Variants in GPR135 observed in about 807,000 individuals in gnomAD.
GPR135 encodes G-protein coupled receptor 135.
A neutral mutation model predicts 15.0 loss-of-function variants in GPR135; 17 were observed. The observed-to-expected ratio is 1.13, with a 90% CI of 0.78 to 1.70. GPR135 has a LOEUF of 1.70. GPR135 is among the 40% of genes most tolerant of loss of function. The probability of loss-of-function intolerance (pLI) is 0.00; values close to 1 mark genes in which losing one functional copy is unlikely to be tolerated. For synonymous variants in GPR135, 368 were observed against 349.4 expected (o/e 1.05, Z -0.59); for missense variants, 776 against 727.0 (o/e 1.07, Z -0.78).
downstream of GPR135, among the ~76,000 whole-genome samples, chr14:59,457,059 G>T (rs751661297): frequency 4.6e-5 from 7 of 152,152 alleles, no homozygotes; most frequent in Non-Finnish European, 8.8e-5. Context: ...TGTATTTGTT[G>T]AAAGATAGTT....
In GPR135 at chr14:59,464,176, CCAGGAAGCAGTAGGGCCCCCAGCAG is replaced by C. The variant is rs756813042; in HGVS notation, c.1026_1050del (p.Cys342TrpfsTer26). On this transcript the variant is annotated frameshift_variant, in exon 1 of 1. Coordinates refer to ENST00000395116, the MANE Select transcript of GPR135 (RefSeq NM_022571.6). LOFTEE classifies it high-confidence loss of function. ...GCCTGCCGGGCGGCGGCCAGCAGCA[CCAGGAAGCAGTAGGGCCCCCAGCAG>C]CAGATGACGAAGACGATCATGATGA... 8.1e-6 allele frequency: 13 copies of C among 1,609,230 alleles called. No individual in the cohort carries two copies. The highest frequency in any genetic ancestry group is 1.1e-5 in the Non-Finnish European group (13 of 1,179,760).
Position 59,464,185 on chromosome 14 carries a change from A to T in GPR135, c.1042T>A (p.Cys348Ser), listed in dbSNP as rs758182115. The part of the protein sequence containing the change: ...VFVICCWGPY[C>S]FLVLLAAARQ... Reference sequence around the variant, plus strand: ...GCGGCGGCCAGCAGCACCAGGAAGCAGTAGGGCCCCCAGCAGCAGATGACG... The same window carrying T: ...GCGGCGGCCAGCAGCACCAGGAAGCTGTAGGGCCCCCAGCAGCAGATGACG... Residue 348 changes from cysteine to serine, a missense_variant, in exon 1 of 1, where the codon TGC becomes AGC. By Grantham distance (112) the Cys-to-Ser change is moderately radical. Coordinates refer to ENST00000395116, the MANE Select transcript of GPR135 (RefSeq NM_022571.6). 6.2e-7 allele frequency: 1 copy of T among 1,609,318 alleles called. No individual in the cohort carries two copies. The highest frequency in any genetic ancestry group is 1.1e-5 in the South Asian group (1 of 91,062).
downstream of GPR135, among the ~76,000 whole-genome samples, chr14:59,458,342 C>T (rs760424525): frequency 2.0e-5 from 3 of 152,186 alleles, no homozygotes; most frequent in Non-Finnish European, 4.4e-5. Flanking sequence ...GTTTAGACCT[C>T]AGGAGAGCTC....
In GPR135 at chr14:59,462,494, T is replaced by C. The variant is rs1488898652; in HGVS notation, c.*1248A>G. On this transcript the variant is annotated 3_prime_UTR_variant, in exon 1 of 1. Coordinates refer to ENST00000395116, the MANE Select transcript of GPR135 (RefSeq NM_022571.6). The stretch of plus-strand genomic sequence containing the variant: ...TCTTCTCCAACTTTATGCCTGTGTT[T>C]TAATACCGTTACATATAGTCCCACA... 6.6e-6 allele frequency: 1 copy of C among 152,230 alleles called. No homozygotes were observed. The highest frequency in any genetic ancestry group is 1.5e-5 in the Non-Finnish European group (1 of 68,024). 9.4% of individuals were successfully genotyped at this position (152,230 alleles called of 1,614,324 possible). A position where few individuals can be genotyped will look rare whatever the true frequency, so the allele number is the denominator to read the frequency against.
intron 6 of GPR135, among the ~76,000 whole-genome samples, chr14:59,453,411 T>TA (rs1186123962): frequency 6.6e-6 from 1 of 151,948 alleles, no homozygotes; most frequent in African/African-American, 2.4e-5. Context: ...TAAAGCCTAC[T>TA]AAAAAAAAGT....
rs1889109479 is a variant in GPR135 at position 59,465,166 on chromosome 14, AGTGCTGGCTGCCC to A, written c.48_60del (p.Gly17ProfsTer35). 2 of 1,325,360 alleles carry A rather than the reference AGTGCTGGCTGCCC, an allele frequency of 1.5e-6. No individual in the cohort carries two copies. The highest frequency in any genetic ancestry group is 1.9e-6 in the Non-Finnish European group (2 of 1,041,690). The allele number at this position is 1,325,360 out of a possible 1,614,324, so 82.1% of individuals were successfully genotyped here. On this transcript the variant is annotated frameshift_variant, in exon 1 of 1. Coordinates refer to ENST00000395116, the MANE Select transcript of GPR135 (RefSeq NM_022571.6). LOFTEE classifies it high-confidence loss of function. The stretch of plus-strand genomic sequence containing the variant: ...GGGCCGGCCGCGGAGGGGGCGCCGG[AGTGCTGGCTGCCC>A]AGTAAGGCCATGCTCGCTGGTGGGC...
In GPR135 at chr14:59,461,214, CGAT is replaced by C. The variant is rs1352003003; in HGVS notation, c.*2525_*2527del. The C allele has an allele frequency of 6.6e-6, 1 of 152,054 alleles. No homozygotes were observed. Among genetic ancestry groups the C allele is most frequent in the African/African-American group, 2.4e-5 (1 of 41,392 alleles). The allele number at this position is 152,054 out of a possible 1,614,324, so 9.4% of individuals were successfully genotyped here. ...AAACAAAAATGGTAGATGATGATCA[CGAT>C]GATGATAATGATGACAGTACCATAA... On this transcript the variant is annotated 3_prime_UTR_variant, in exon 1 of 1. Transcript: ENST00000395116.
At chr14:59,456,306 G>A (rs1888652084), downstream of GPR135, 1 of 152,196 alleles carries the variant, frequency 6.6e-6, no homozygotes, top group African/African-American at 2.4e-5. Flanking sequence ...TCATTTGAAG[G>A]GAGAAGTATC....
chr14:59,458,990 C>G (rs1016211615), downstream of GPR135: 1 of 152,162 alleles, frequency 6.6e-6, no homozygotes, highest in Admixed American at 6.5e-5. Flanking sequence ...GGAATGGAGT[C>G]TCTGTCATGC....
intron 6 of GPR135, among the ~76,000 whole-genome samples, chr14:59,454,644 A>T (rs1050946938): frequency 1.3e-5 from 2 of 152,234 alleles, no homozygotes; most frequent in African/African-American, 4.8e-5. Flanking sequence ...GCTGTGCCAA[A>T]AACAGAGAGG....
rs747448653 is a variant in GPR135 at position 59,464,522 on chromosome 14, CA to C, written c.704del (p.Leu235ArgfsTer80). 4.5e-6 allele frequency: 7 copies of C among 1,538,848 alleles called. No homozygotes were observed. The highest frequency in any genetic ancestry group is 6.1e-6 in the Non-Finnish European group (7 of 1,153,084). ...RALQLLAGAW[L>X]TALGFSLPWE... ...AGGGCAAGGAGAAGCCCAGGGCCGT[CA>C]GCCAGGCGCCCGCCAGCAGCTGCAG... On this transcript the variant is annotated frameshift_variant, in exon 1 of 1. Coordinates refer to ENST00000395116, the MANE Select transcript of GPR135 (RefSeq NM_022571.6). LOFTEE classifies it high-confidence loss of function.
chr14:59,464,190 G>A lies in GPR135; in HGVS notation c.1037C>T (p.Pro346Leu). Residue 346 changes from proline to leucine, a missense_variant, in exon 1 of 1, where the codon CCC (proline) becomes CTC (leucine). Physicochemically the swap from Pro to Leu is moderately conservative, Grantham distance 98. Coordinates refer to ENST00000395116, the MANE Select transcript of GPR135 (RefSeq NM_022571.6). ...MIVFVICCWG[P>L]YCFLVLLAAA... ...GGCCAGCAGCACCAGGAAGCAGTAG[G>A]GCCCCCAGCAGCAGATGACGAAGAC... The A allele has an allele frequency of 1.2e-6, 2 of 1,609,386 alleles. No homozygotes were observed. The highest frequency in any genetic ancestry group is 1.7e-6 in the Non-Finnish European group (2 of 1,179,822).
chr14:59,454,142 CT>C (rs1238609601), intron 6 of GPR135, among the ~76,000 whole-genome samples: 1 of 152,186 alleles, frequency 6.6e-6, no homozygotes, highest in Non-Finnish European at 1.5e-5. Context: ...AGACACACCC[CT>C]AATCTGGGTG....
rs979127211 is a variant in GPR135, at chr14:59,464,988, T to C, written c.239A>G (p.Glu80Gly). The C allele has an allele frequency of 6.9e-7, 1 of 1,444,384 alleles. No individual in the cohort carries two copies. The highest frequency in any genetic ancestry group is 2.9e-5 in the East Asian group (1 of 34,342). The allele number at this position is 1,444,384 out of a possible 1,614,324, so 89.5% of individuals were successfully genotyped here. A position where few individuals can be genotyped will look rare whatever the true frequency, so the allele number is the denominator to read the frequency against. The change falls in exon 1 of 1, where the codon GAG becomes GGG. Residue 80 changes from glutamate to glycine, a missense_variant. Physicochemically the swap from Glu to Gly is moderately conservative, Grantham distance 98. Coordinates refer to ENST00000395116, the MANE Select transcript of GPR135 (RefSeq NM_022571.6). ...CGGCCGCCTCACCGCCGCCCCCGCC[T>C]CCCGCGCTGCCCCGGACCCGCCAAG... is the stretch of plus-strand genomic sequence containing the variant. ...GGLGGSGAAR[E>G]AGAAVRRPLG...
chr14:59,455,032 G>A (rs534952475), intron 6 of GPR135, among the ~76,000 whole-genome samples: 10 of 151,874 alleles, frequency 6.6e-5, no homozygotes, highest in Non-Finnish European at 1.2e-4. Context: ...CCCTGGAGGC[G>A]GAGATTGCGG....
rs568514791 is a variant in GPR135 at position 59,463,947 on chromosome 14, C to A, written c.1280G>T (p.Arg427Leu). Residue 427 changes from arginine to leucine, a missense_variant, in exon 1 of 1, where the codon CGC (arginine) becomes CTC (leucine). Physicochemically the swap from Arg to Leu is moderately radical, Grantham distance 102. Transcript: ENST00000395116. ...GGCATAGCGGTTTCGAAGGCGACTG[C>A]GGCTTCTGGCTTGCAGACCCGGGCC... ...SQGPGLQARS[R>L]SRLRNRYANR... 12 of 1,613,820 alleles carry A rather than the reference C, an allele frequency of 7.4e-6. No individual in the cohort carries two copies. In the Admixed American group the frequency reaches 2.0e-4, roughly 27 times the overall value.
At chr14:59,456,371 T>C (rs1888655436), downstream of GPR135, 1 of 152,264 alleles carries the variant, frequency 6.6e-6, no homozygotes, top group African/African-American at 2.4e-5. Flanking sequence ...TGTTTTATTC[T>C]GTCCTACGCC....
chr14:59,463,688 C>T lies in GPR135; in HGVS notation c.*54G>A, dbSNP rs182656917. The T allele has an allele frequency of 2.6e-4, 388 of 1,474,494 alleles. No homozygotes were observed. The African/African-American group carries it at 4.9e-3, about 19-fold the overall frequency. The allele number at this position is 1,474,494 out of a possible 1,614,324, so 91.3% of individuals were successfully genotyped here. On this transcript the variant is annotated 3_prime_UTR_variant, in exon 1 of 1. Transcript: ENST00000395116. ...ACAACTCTCCCCCAGAATCTTCCAT[C>T]ATTAAATAATGCGAGTGGAAATTTG...
chr14:59,456,428 C>A (rs943640939), downstream of GPR135: 1 of 152,218 alleles, frequency 6.6e-6, no homozygotes, highest in Non-Finnish European at 1.5e-5. Flanking sequence ...ACGCTAAATT[C>A]ATGACTTACC....
Sources: gnomAD v4.1 joint callset for allele counts (sites outside exome capture counted in the v4.1 genomes callset) on GRCh38, gnomAD v4.1.1 for gene constraint, MANE v1.5 for transcripts, NCBI Gene and HGNC (gene_info 2026-07-23, HGNC 2026-07-21) for gene names.